Variants in KATNAL2 observed in about 807,000 individuals in gnomAD.
KATNAL2 encodes the protein katanin p60 ATPase-containing subunit A-like 2.
In KATNAL2, 52 loss-of-function variants were observed where a neutral mutation model predicts 76.3. That is an observed-to-expected ratio of 0.68 (90% CI 0.55 to 0.86). The LOEUF (loss-of-function observed/expected upper bound fraction) is 0.86. Among genes scored for constraint, KATNAL2 ranks in the 40% least tolerant of loss-of-function variants. The pLI is 0.00. For synonymous variants in KATNAL2, 243 were observed against 244.2 expected (o/e 1.00, Z 0.05); for missense variants, 660 against 668.9 (o/e 0.99, Z 0.15).
Position 47,054,452 on chromosome 18 carries a change from T to C in KATNAL2, c.332+14T>C, listed in dbSNP as rs770101947. ...GAAGACCAGAAGGTAAAGTGAATGG[T>C]AATTCTTCTTAATCGACTCGGCTCG... On this transcript the variant is annotated intron_variant, in intron 6 of 17. Coordinates refer to ENST00000683218, the MANE Select transcript of KATNAL2 (RefSeq NM_001387690.1). 10 of 1,611,506 alleles carry C rather than the reference T, an allele frequency of 6.2e-6. No homozygotes were observed. The highest frequency in any genetic ancestry group is 3.3e-5 in the Admixed American group (2 of 59,970).
chr18:47,066,037 A>G (rs1021180980), intron 10 of KATNAL2, among the ~76,000 whole-genome samples: 54 of 151,834 alleles, frequency 3.6e-4, no homozygotes, highest in East Asian at 1.3e-3. Context: ...TGAACCTCCT[A>G]TGGTGGAGGG....
intron 4 of KATNAL2, among the ~76,000 whole-genome samples, chr18:47,048,574 G>C (rs989665858): frequency 2.0e-5 from 3 of 152,182 alleles, no homozygotes; most frequent in African/African-American, 4.8e-5. Context: ...CCCCGGAGCA[G>C]GGCAGGGCTG....
rs537307789 is a variant in KATNAL2 at position 47,052,215 on chromosome 18, A to C, written c.123-665A>C. 8.5e-5 allele frequency among the ~76,000 whole-genome samples: 13 copies of C among 152,362 alleles called. No homozygotes were observed. In the South Asian group the frequency reaches 2.5e-3, roughly 29 times the overall value. ...GGCCACTTATATTGGACAGTTTTAC[A>C]ACTGAACAAGTTAAAAATGACAGTA... On this transcript the variant is annotated intron_variant, in intron 4 of 17. Transcript: ENST00000683218.
intron 15 of KATNAL2, among the ~76,000 whole-genome samples, chr18:47,085,538 T>C (rs1014328117): frequency 1.1e-4 from 17 of 152,274 alleles, no homozygotes; most frequent in African/African-American, 4.1e-4. Context: ...TAAGTAAGAT[T>C]GGCCTTTAGA....
In KATNAL2 at chr18:47,099,402, C is replaced by G; in HGVS notation, c.1371C>G (p.Ser457Arg). Residue 457 changes from serine to arginine, a missense_variant, in exon 16 of 18, where the codon AGC (serine) becomes AGG (arginine). By Grantham distance (110) the Ser-to-Arg change is moderately radical. Coordinates refer to ENST00000683218, the MANE Select transcript of KATNAL2 (RefSeq NM_001387690.1). ...CAGAGCTGGAGTACAGTGTGCTGAG[C>G]CAGGTCAGCTGCCCTGGAGAGGGGC... ...LHTELEYSVL[S>R]QETEGYSGSD... 1 of 1,608,932 alleles carries G rather than the reference C, an allele frequency of 6.2e-7. No homozygotes were observed. Among genetic ancestry groups the G allele is most frequent in the South Asian group, 1.1e-5 (1 of 90,538 alleles).
intron 3 of KATNAL2, among the ~76,000 whole-genome samples, chr18:46,948,778 T>A (rs2059459520): frequency 6.6e-6 from 1 of 152,102 alleles, no homozygotes; most frequent in African/African-American, 2.4e-5. Flanking sequence ...CTACCTCAAC[T>A]GGACTTCTTT....
At chr18:47,048,472 C>G (rs376603101) in intron 4 of KATNAL2, among the ~76,000 whole-genome samples, 1 of 152,170 alleles carries the variant, frequency 6.6e-6, no homozygotes, top group Non-Finnish European at 1.5e-5. Flanking sequence ...TGAGTGCCCC[C>G]GTCCCATGGT....
At chr18:47,070,146 G>C (rs1213934244) in intron 13 of KATNAL2, among the ~76,000 whole-genome samples, 1 of 146,714 alleles carries the variant, frequency 6.8e-6, no homozygotes, top group Admixed American at 7.0e-5. Context: ...CCCAAGGCTG[G>C]AGTGCAATGG....
At chr18:47,100,782 T>C in intron 17 of KATNAL2, 84 bp from the exon 18 acceptor site, 1 of 1,496,908 alleles carries the variant, frequency 6.7e-7, no homozygotes. Flanking sequence ...TGCATTATTT[T>C]GAAAGAAGGT....
chr18:47,081,861 C>G (rs1416775803), intron 15 of KATNAL2, among the ~76,000 whole-genome samples: 1 of 152,172 alleles, frequency 6.6e-6, no homozygotes, highest in Non-Finnish European at 1.5e-5. Flanking sequence ...TCAGAGATTA[C>G]AGTCTCACAA....
intron 3 of KATNAL2, among the ~76,000 whole-genome samples, chr18:46,951,923 G>A (rs180821343): frequency 6.6e-6 from 1 of 151,846 alleles, no homozygotes; most frequent in African/African-American, 2.4e-5. Flanking sequence ...ACAGGGGTGC[G>A]CCACCATGCC....
chr18:47,033,460 T>A, intron 3 of KATNAL2: 1 of 1,614,042 alleles, frequency 6.2e-7, no homozygotes, highest in Non-Finnish European at 8.5e-7. Flanking sequence ...CCTCCAAGTT[T>A]TGTTTTCCTG....
intron 6 of KATNAL2, among the ~76,000 whole-genome samples, chr18:47,056,833 C>T (rs2061485131): frequency 6.6e-6 from 1 of 152,088 alleles, no homozygotes; most frequent in African/African-American, 2.4e-5. Context: ...CACATAAACA[C>T]ACACACACAC....
At chr18:47,067,985 G>T (rs1569107841) in intron 11 of KATNAL2, among the ~76,000 whole-genome samples, 1 of 152,206 alleles carries the variant, frequency 6.6e-6, no homozygotes, top group Non-Finnish European at 1.5e-5. Context: ...CCTCTAGCAG[G>T]AAAGTCCAGT....
intron 3 of KATNAL2, among the ~76,000 whole-genome samples, chr18:46,961,944 C>A (rs930283156): frequency 6.6e-6 from 1 of 152,194 alleles, no homozygotes; most frequent in Non-Finnish European, 1.5e-5. Context: ...AAGAGCTACA[C>A]ACTTGAATTT....
intron 3 of KATNAL2, among the ~76,000 whole-genome samples, chr18:47,044,778 C>T (rs60910120): frequency 5.9e-5 from 8 of 135,378 alleles, no homozygotes; most frequent in Admixed American, 5.9e-4. Context: ...AAAACAAAAA[C>T]AAAAACAAAA....
rs201517685 is a variant in KATNAL2 at position 47,050,186 on chromosome 18, C to CT, written c.123-2684dup. ...ACCACCATGCCTGGCCTAAGGAACT[C>CT]TTTTTTTTTTCTCAGACCATCTTTA... On this transcript the variant is annotated intron_variant, in intron 4 of 17. Transcript: ENST00000683218. Among the ~76,000 whole-genome samples, 957 of 150,410 alleles carry CT rather than the reference C, an allele frequency of 6.4e-3. 6 individuals carry two copies. The highest frequency in any genetic ancestry group is 0.021 in the African/African-American group (850 of 41,014).
Position 47,053,005 on chromosome 18 carries a change from T to C in KATNAL2, c.248T>C (p.Phe83Ser). ...TATGAGAGTTATTATTTTGTAAAAT[T>C]TCAGAAATACCCCAAAATTGTCAAA... ...MEYESYYFVK[F>S]QKYPKIVKKS... is the part of the protein sequence containing the mutation. Residue 83 changes from phenylalanine (F) to serine (S), a missense_variant, in exon 5 of 18, where the codon TTT (phenylalanine) becomes TCT (serine). Phe to Ser is a radical substitution (Grantham distance 155). Coordinates refer to ENST00000683218, the MANE Select transcript of KATNAL2 (RefSeq NM_001387690.1). 2 of 1,608,048 alleles carry C rather than the reference T, an allele frequency of 1.2e-6. No homozygotes were observed. Among genetic ancestry groups the C allele is most frequent in the South Asian group, 2.2e-5 (2 of 89,254 alleles).
chr18:47,053,717 A>G (rs1451083377), intron 5 of KATNAL2, among the ~76,000 whole-genome samples: 1 of 152,224 alleles, frequency 6.6e-6, no homozygotes, highest in Admixed American at 6.5e-5. Flanking sequence ...GGACCGGGAA[A>G]CCAAGAGGAA....
Sources: allele counts gnomAD v4.1 joint callset (sites outside exome capture counted in the v4.1 genomes callset), GRCh38; gene constraint gnomAD v4.1.1; transcripts MANE v1.5; gene names NCBI Gene and HGNC (gene_info 2026-07-23, HGNC 2026-07-21).